Variants in ARHGEF10 observed in about 807,000 individuals in gnomAD.
ARHGEF10 encodes Rho guanine nucleotide exchange factor (GEF) 10.
In ARHGEF10, 140 loss-of-function variants were observed where a neutral mutation model predicts 147.4. That is an observed-to-expected ratio of 0.95 (90% CI 0.83 to 1.09). The LOEUF (loss-of-function observed/expected upper bound fraction) is 1.09, where lower values mean the gene tolerates loss of function less well. ARHGEF10 is among the 50% of genes least tolerant of loss of function. The pLI, the probability that ARHGEF10 is intolerant of heterozygous loss-of-function variation, is 0.00. For missense variants in ARHGEF10, 2,222 were observed against 1,752.7 expected (o/e 1.27, Z -4.78); for synonymous variants, 902 against 695.8 (o/e 1.30, Z -4.67).
At position 1,931,028 on chromosome 8, in the gene ARHGEF10, G is replaced by A. The variant is rs150200865; in HGVS notation, c.3079+1585G>A. Among the ~76,000 whole-genome samples, 187 of 152,364 alleles carry A rather than the reference G, an allele frequency of 1.2e-3. 2 individuals are homozygous for A. The highest frequency in any genetic ancestry group is 9.1e-3 in the East Asian group (47 of 5,182). On this transcript the variant is annotated intron_variant, in intron 25 of 28. Transcript: ENST00000349830. ...TCATGATTTCAGTTCTCCATGGACG[G>A]TTTTGTGTCTTCGGGGTTGGGCTCT...
rs145315668 is a variant in ARHGEF10 at position 1,923,964 on chromosome 8, C to G, written c.2488+90C>G. On this transcript the variant is annotated intron_variant, in intron 21 of 28. Coordinates refer to ENST00000349830, the MANE Select transcript of ARHGEF10 (RefSeq NM_014629.4). Reference sequence around the variant, plus strand: ...GGTGAGGTCAGGGTTGAGAAGGAAACTCAGCAGTAGATCCATGCATTGACC... The same window carrying G: ...GGTGAGGTCAGGGTTGAGAAGGAAAGTCAGCAGTAGATCCATGCATTGACC... 80 of 1,219,276 alleles carry G rather than the reference C, an allele frequency of 6.6e-5. No homozygotes were observed. In the African/African-American group the frequency reaches 1.0e-3, roughly 15 times the overall value. The allele number at this position is 1,219,276 out of a possible 1,614,324, so 75.5% of individuals were successfully genotyped here.
intron 4 of ARHGEF10, among the ~76,000 whole-genome samples, chr8:1,862,627 C>T (rs528666689): frequency 1.3e-5 from 2 of 152,350 alleles, no homozygotes; most frequent in Admixed American, 6.5e-5. Flanking sequence ...GGATGGGAGT[C>T]TGTGCTCCTG....
Position 1,857,870 on chromosome 8 carries a change from A to AGATC in ARHGEF10, c.38-81_38-78dup, listed in dbSNP as rs66620071. The AGATC allele has an allele frequency of 1.2e-3, 1,064 of 921,278 alleles. 4 individuals carry two copies. The highest frequency in any genetic ancestry group is 5.4e-3 in the African/African-American group (322 of 59,830). 57.1% of individuals were successfully genotyped at this position (921,278 alleles called of 1,614,324 possible). ...CTTAGTCAGTGTCTCTGGCTAACATAGATCGATCGATCTATCTATCTATCT... is the reference window on the plus strand; with the variant it reads ...CTTAGTCAGTGTCTCTGGCTAACATAGATCGATCGATCGATCTATCTATCTATCT... On this transcript the variant is annotated intron_variant, in intron 2 of 28. Coordinates refer to ENST00000349830, the MANE Select transcript of ARHGEF10 (RefSeq NM_014629.4).
At chr8:1,839,704 G>C (rs1369080549) in intron 1 of ARHGEF10, among the ~76,000 whole-genome samples, 1 of 116,656 alleles carries the variant, frequency 8.6e-6, no homozygotes, top group Non-Finnish European at 1.7e-5. Context: ...CCGGTGTGGG[G>C]ACTGTCTGGT....
At chr8:1,854,443 A>G (rs1805396103) in intron 2 of ARHGEF10, among the ~76,000 whole-genome samples, 1 of 152,174 alleles carries the variant, frequency 6.6e-6, no homozygotes, top group African/African-American at 2.4e-5. Flanking sequence ...TTCTTACTGG[A>G]ACTGAATTCT....
chr8:1,853,736 G>GC (rs1805328981), intron 2 of ARHGEF10, among the ~76,000 whole-genome samples: 1 of 152,254 alleles, frequency 6.6e-6, no homozygotes, highest in Non-Finnish European at 1.5e-5. Flanking sequence ...AGGTCAGGGT[G>GC]CTGGCAGGCT....
At chr8:1,868,770 C>T (rs558450219) in intron 6 of ARHGEF10, among the ~76,000 whole-genome samples, 3 of 152,166 alleles carry the variant, frequency 2.0e-5, no homozygotes, top group East Asian at 3.9e-4. Context: ...TGTGTGCCAC[C>T]GTTGTATTTT....
At chr8:1,836,622 G>C (rs867963774) in intron 1 of ARHGEF10, among the ~76,000 whole-genome samples, 3 of 152,194 alleles carry the variant, frequency 2.0e-5, no homozygotes, top group South Asian at 2.1e-4. Context: ...AGCAGGCTGT[G>C]GGGGGGAGAA....
intron 27 of ARHGEF10, among the ~76,000 whole-genome samples, chr8:1,951,677 G>A (rs1050909132): frequency 1.3e-5 from 2 of 152,196 alleles, no homozygotes; most frequent in African/African-American, 4.8e-5. Context: ...AGTGTTCACC[G>A]TCACTTCTCA....
At chr8:1,826,993 G>C (rs1802809037) in intron 1 of ARHGEF10, among the ~76,000 whole-genome samples, 1 of 152,248 alleles carries the variant, frequency 6.6e-6, no homozygotes, top group Admixed American at 6.5e-5. Context: ...AAAGGGGTGG[G>C]CCAGGCCCAG....
intron 6 of ARHGEF10, among the ~76,000 whole-genome samples, chr8:1,867,588 A>C (rs960086244): frequency 1.3e-5 from 2 of 152,182 alleles, no homozygotes; most frequent in Non-Finnish European, 2.9e-5. Context: ...GAGTAAACCT[A>C]AAGGCATTCT....
rs1040004590 is a variant in ARHGEF10 at position 1,949,126 on chromosome 8, C to T, written c.3397+3471C>T. 5.9e-5 allele frequency among the ~76,000 whole-genome samples: 9 copies of T among 151,866 alleles called. No homozygotes were observed. In the South Asian group the frequency reaches 1.0e-3, roughly 18 times the overall value. On this transcript the variant is annotated intron_variant, in intron 27 of 28. Transcript: ENST00000349830. Reference sequence around the variant, plus strand: ...TTCTGCAAATGAAGACTTGCCAAGCCGAAACAACAAAATTTGAAAAAAACA... The same window carrying T: ...TTCTGCAAATGAAGACTTGCCAAGCTGAAACAACAAAATTTGAAAAAAACA...
intron 2 of ARHGEF10, among the ~76,000 whole-genome samples, chr8:1,856,449 C>G (rs890146651): frequency 2.0e-5 from 3 of 152,178 alleles, no homozygotes; most frequent in African/African-American, 7.2e-5. Context: ...AATCTGTTTC[C>G]TTCAAAAGGC....
chr8:1,940,882 A>T (rs1814035009), intron 26 of ARHGEF10, among the ~76,000 whole-genome samples: 1 of 152,252 alleles, frequency 6.6e-6, no homozygotes, highest in Non-Finnish European at 1.5e-5. Flanking sequence ...CCACATGATC[A>T]TCTCAATTGA....
intron 26 of ARHGEF10, among the ~76,000 whole-genome samples, chr8:1,934,354 CAAAAA>C (rs36102342): frequency 1.7e-5 from 2 of 117,426 alleles, no homozygotes; most frequent in African/African-American, 3.3e-5. Context: ...ACCCTGTCTC[CAAAAA>C]AAAAAAAAAA....
intron 6 of ARHGEF10, 36 bp downstream of exon 6, chr8:1,866,638 C>A (rs770077830): frequency 6.3e-7 from 1 of 1,586,792 alleles, no homozygotes; most frequent in Non-Finnish European, 8.6e-7. Flanking sequence ...AGAATCCTCA[C>A]CACGCTCCAC....
chr8:1,901,239 C>G (rs564086249), intron 15 of ARHGEF10, among the ~76,000 whole-genome samples: 1 of 152,090 alleles, frequency 6.6e-6, no homozygotes, highest in Non-Finnish European at 1.5e-5. Context: ...TGCCGTAGTC[C>G]GTGTGCTGAG....
At chr8:1,922,588 G>A (rs1289571417) in intron 18 of ARHGEF10, among the ~76,000 whole-genome samples, 2 of 152,118 alleles carry the variant, frequency 1.3e-5, no homozygotes, top group Admixed American at 6.6e-5. Context: ...GCTGAATCCG[G>A]GACTAGGAAA....
intron 1 of ARHGEF10, among the ~76,000 whole-genome samples, chr8:1,824,990 CTCCCCACACCCCA>C (rs1802661565): frequency 4.1e-5 from 2 of 49,104 alleles, no homozygotes; most frequent in Non-Finnish European, 7.9e-5. Context: ...CCCACCTGTC[CTCCCCACACCCCA>C]CCTGTTTACT....
Sources: allele counts gnomAD v4.1 joint callset (sites outside exome capture counted in the v4.1 genomes callset), GRCh38; gene constraint gnomAD v4.1.1; transcripts MANE v1.5; gene names NCBI Gene and HGNC (gene_info 2026-07-23, HGNC 2026-07-21).